The following VAV2 variants were observed in gnomAD, a reference collection of about 807,000 sequenced individuals.
VAV2 encodes vav guanine nucleotide exchange factor 2.
A neutral mutation model predicts 132.5 loss-of-function variants in VAV2; 67 were observed. The observed-to-expected ratio is 0.51, with a 90% CI of 0.42 to 0.62. The LOEUF is 0.62. Among genes scored for constraint, VAV2 ranks in the 20% least tolerant of loss-of-function variants. VAV2 has a pLI of 0.00. For missense variants in VAV2, 938 were observed against 1,153.6 expected, an observed-to-expected ratio of 0.81 and a Z score of 2.71; for synonymous variants, 492 against 443.5, an observed-to-expected ratio of 1.11 and a Z score of -1.37.
chr9:133,771,974 T>C lies in VAV2; in HGVS notation c.2208A>G (p.Lys736=). 6.2e-7 allele frequency: 1 copy of C among 1,614,030 alleles called. No homozygotes were observed. Among genetic ancestry groups the C allele is most frequent in the Non-Finnish European group, 8.5e-7 (1 of 1,179,916 alleles). Residue 736 remains lysine (K), a synonymous_variant, in exon 26 of 30, where the codon AAA becomes AAG. Transcript: ENST00000371850. ...DNWIHITEAK[K]FDSLLELVEY... is the part of the protein sequence containing the mutation. ...AGTCACCTACCAGGAGGCTGTCGAATTTCTTGGCCTCTGTGATGTGGATCC... is the reference window on the plus strand; with the variant it reads ...AGTCACCTACCAGGAGGCTGTCGAACTTCTTGGCCTCTGTGATGTGGATCC...
chr9:133,783,988 C>T (rs1834118340), intron 18 of VAV2, among the ~76,000 whole-genome samples: 1 of 147,952 alleles, frequency 6.8e-6, no homozygotes, highest in Non-Finnish European at 1.5e-5. Context: ...TTATTCAATT[C>T]TCCCACATCA....
intron 19 of VAV2, among the ~76,000 whole-genome samples, chr9:133,781,490 G>A (rs777232660): frequency 1.3e-5 from 2 of 151,356 alleles, no homozygotes; most frequent in Non-Finnish European, 2.9e-5. Context: ...GGGGTCAGGG[G>A]TGGGGGGCAG....
intron 4 of VAV2, among the ~76,000 whole-genome samples, chr9:133,817,903 A>G (rs892194577): frequency 6.6e-6 from 1 of 152,082 alleles, no homozygotes; most frequent in Non-Finnish European, 1.5e-5. Flanking sequence ...TGTGAATTTG[A>G]CTGGGCTAAG....
chr9:133,818,093 G>A (rs181224698), intron 4 of VAV2, among the ~76,000 whole-genome samples: 225 of 152,268 alleles, frequency 1.5e-3, no homozygotes, highest in African/African-American at 4.8e-3. Context: ...GGCCGGGCGC[G>A]GCGGCTCACG....
chr9:133,966,864 T>C (rs557555396), intron 1 of VAV2, among the ~76,000 whole-genome samples: 1 of 151,632 alleles, frequency 6.6e-6, no homozygotes, highest in Non-Finnish European at 1.5e-5. Flanking sequence ...GTAAACCCTG[T>C]CTCTACTAAA....
intron 2 of VAV2, among the ~76,000 whole-genome samples, chr9:133,938,238 A>C (rs1226999749): frequency 6.6e-6 from 1 of 152,232 alleles, no homozygotes; most frequent in Non-Finnish European, 1.5e-5. Context: ...AGTGTCTCCT[A>C]GAGGCAGCCC....
chr9:133,917,718 T>C (rs74433610), intron 2 of VAV2, among the ~76,000 whole-genome samples: 4,683 of 152,264 alleles, frequency 0.031, 225 homozygotes, highest in African/African-American at 0.11. Context: ...AGGCCGGGCA[T>C]CCAGTTGAAG....
At chr9:133,772,358 C>T (rs1833660017) in intron 25 of VAV2, among the ~76,000 whole-genome samples, 1 of 152,180 alleles carries the variant, frequency 6.6e-6, no homozygotes, top group Non-Finnish European at 1.5e-5. Flanking sequence ...CTTTTCAGTA[C>T]CAGGAGCCTC....
intron 1 of VAV2, among the ~76,000 whole-genome samples, chr9:133,957,668 G>A (rs1347665305): frequency 2.0e-5 from 3 of 152,052 alleles, no homozygotes; most frequent in East Asian, 1.9e-4. Context: ...CGCTGTCACC[G>A]TCACAGCTGG....
At chr9:133,808,951 G>T in intron 7 of VAV2, 89 bp downstream of exon 7, 2 of 1,247,714 alleles carry the variant, frequency 1.6e-6, no homozygotes, top group Non-Finnish European at 2.3e-6. Context: ...CTATGGCCCT[G>T]CCTCCGGAAT....
chr9:133,991,995 T>C lies in VAV2; in HGVS notation c.204+80A>G. 8.3e-7 allele frequency: 1 copy of C among 1,211,454 alleles called. No individual in the cohort carries two copies. Among genetic ancestry groups the C allele is most frequent in the Admixed American group, 4.5e-5 (1 of 22,118 alleles). 75.0% of individuals were successfully genotyped at this position (1,211,454 alleles called of 1,614,324 possible). ...GCCAGGGCGCCTGGGCCGCCGCCGC[T>C]GCGACCTCCGCGTTCAGTCCGCGCG... On this transcript the variant is annotated intron_variant, in intron 1 of 29. Coordinates refer to ENST00000371850, the MANE Select transcript of VAV2 (RefSeq NM_001134398.2). This position sits in a 1 kb window ranked among gnomAD's most constrained non-coding sequence, Gnocchi z 4.8.
rs1394435814 is a variant in VAV2, at chr9:133,963,461, C to T, written c.205-24242G>A. ...GGTGTGTGTCAACAGAGAGCCTGCA[C>T]GTGAGCTCCACACTCCAAGTCGGCC... is the stretch of plus-strand genomic sequence containing the variant. On this transcript the variant is annotated intron_variant, in intron 1 of 29. Transcript: ENST00000371850. Among the ~76,000 whole-genome samples the T allele has an allele frequency of 3.3e-5, 5 of 152,122 alleles. No individual in the cohort carries two copies. In the East Asian group the frequency reaches 5.8e-4, roughly 18 times the overall value.
chr9:133,933,175 G>A (rs1012657188), intron 2 of VAV2, among the ~76,000 whole-genome samples: 1 of 152,232 alleles, frequency 6.6e-6, no homozygotes, highest in Non-Finnish European at 1.5e-5. Flanking sequence ...AAATCACAGA[G>A]GAAAGACTCC....
chr9:133,772,031 C>T lies in VAV2; in HGVS notation c.2151G>A (p.Val717=). The change falls in exon 26 of 30, where the codon GTG becomes GTA. Residue 717 remains valine (V), a synonymous_variant. Transcript: ENST00000371850. The part of the protein sequence containing the change: ...FAISIKFNDE[V]KHIKVVEKDN... The stretch of plus-strand genomic sequence containing the variant: ...CCTTCTCCACCACCTTGATGTGCTT[C>T]ACCTCATCATTGAACCTGAGCAAAC... The T allele has an allele frequency of 7.5e-7, 1 of 1,328,366 alleles. No homozygotes were observed. Among genetic ancestry groups the T allele is most frequent in the Non-Finnish European group, 1.0e-6 (1 of 976,534 alleles). 82.3% of individuals were successfully genotyped at this position (1,328,366 alleles called of 1,614,324 possible).
intron 1 of VAV2, among the ~76,000 whole-genome samples, chr9:133,968,606 G>A (rs899183968): frequency 6.6e-6 from 1 of 151,584 alleles, no homozygotes; most frequent in African/African-American, 2.4e-5. Flanking sequence ...GTCCTCTAGA[G>A]CCTACACGAC....
intron 10 of VAV2, 89 bp downstream of exon 10, chr9:133,797,621 G>C: frequency 8.5e-7 from 1 of 1,170,404 alleles, no homozygotes. Context: ...CCAACAAATG[G>C]GCAAGAGAGA....
At chr9:133,793,925 G>T (rs1485037889) in intron 12 of VAV2, among the ~76,000 whole-genome samples, 8 of 152,090 alleles carry the variant, frequency 5.3e-5, no homozygotes, top group Non-Finnish European at 1.2e-4. Flanking sequence ...TGGATCAAAA[G>T]ACTTCTAAAA....
intron 1 of VAV2, among the ~76,000 whole-genome samples, chr9:133,970,768 C>T (rs1842305172): frequency 6.6e-6 from 1 of 152,200 alleles, no homozygotes; most frequent in Non-Finnish European, 1.5e-5. Context: ...CAAATGGTCT[C>T]GTCTGTCCAT....
intron 3 of VAV2, among the ~76,000 whole-genome samples, chr9:133,855,238 T>C (rs1164936317): frequency 2.0e-5 from 3 of 152,228 alleles, no homozygotes; most frequent in Non-Finnish European, 4.4e-5. Flanking sequence ...TGGCTCACAG[T>C]GTGCAGAGAG....
Sources: allele counts gnomAD v4.1 joint callset (sites outside exome capture counted in the v4.1 genomes callset), GRCh38; gene constraint gnomAD v4.1.1; non-coding constraint Gnocchi (gnomAD v3.1); transcripts MANE v1.5; gene names NCBI Gene and HGNC (gene_info 2026-07-23, HGNC 2026-07-21).